The following PDHX variants were observed in gnomAD, a reference collection of about 807,000 sequenced individuals.
PDHX encodes pyruvate dehydrogenase complex component X.
A neutral mutation model predicts 55.3 loss-of-function variants in PDHX; 33 were observed. That is an observed-to-expected ratio of 0.60 (90% CI 0.45 to 0.80). The LOEUF is 0.80. Among genes scored for constraint, PDHX ranks in the 30% least tolerant of loss-of-function variants. The probability of loss-of-function intolerance (pLI) is 0.00; values close to 1 mark genes in which losing one functional copy is unlikely to be tolerated. For synonymous variants in PDHX, 226 were observed against 219.4 expected, an observed-to-expected ratio of 1.03 and a Z score of -0.27; for missense variants, 622 against 619.9, an observed-to-expected ratio of 1.00 and a Z score of -0.04.
At chr11:34,927,397 C>T (rs1854050846) in intron 1 of PDHX, among the ~76,000 whole-genome samples, 1 of 152,008 alleles carries the variant, frequency 6.6e-6, no homozygotes, top group African/African-American at 2.4e-5. Context: ...GAATGTACAG[C>T]TTACTGGAAT....
intron 6 of PDHX, among the ~76,000 whole-genome samples, chr11:34,967,349 A>G (rs1239122320): frequency 2.0e-5 from 3 of 152,214 alleles, no homozygotes; most frequent in Non-Finnish European, 2.9e-5. Context: ...TTAACTTCCA[A>G]ATAAACATTA....
At chr11:34,978,585 C>T (rs951919941) in intron 8 of PDHX, among the ~76,000 whole-genome samples, 2 of 152,002 alleles carry the variant, frequency 1.3e-5, no homozygotes, top group Non-Finnish European at 2.9e-5. Flanking sequence ...GAGGGAAGCC[C>T]CTCTGACAAG....
intron 1 of PDHX, among the ~76,000 whole-genome samples, chr11:34,929,764 G>A (rs985989533): frequency 1.3e-5 from 2 of 152,142 alleles, no homozygotes; most frequent in African/African-American, 2.4e-5. Flanking sequence ...TGATGAAATG[G>A]GCGTGTTTGA....
chr11:34,952,458 C>T (rs1420931970), intron 3 of PDHX, among the ~76,000 whole-genome samples: 7 of 152,032 alleles, frequency 4.6e-5, no homozygotes, highest in East Asian at 1.9e-4. Context: ...ACTGGCAAAC[C>T]GAATCCAGCA....
At chr11:34,942,387 C>G (rs895940978) in intron 2 of PDHX, among the ~76,000 whole-genome samples, 39 of 152,196 alleles carry the variant, frequency 2.6e-4, no homozygotes, top group African/African-American at 9.4e-4. Flanking sequence ...GTATGTGAAG[C>G]ATTAACACTT....
chr11:34,922,243 C>T (rs1853900240), intron 1 of PDHX, among the ~76,000 whole-genome samples: 1 of 152,194 alleles, frequency 6.6e-6, no homozygotes, highest in Non-Finnish European at 1.5e-5. Flanking sequence ...GAATCACTAA[C>T]TCTGAGTACA....
chr11:34,933,099 G>T (rs1054012786), intron 2 of PDHX, among the ~76,000 whole-genome samples: 1 of 152,304 alleles, frequency 6.6e-6, no homozygotes, highest in African/African-American at 2.4e-5. Flanking sequence ...GGAACCGTGT[G>T]GGGGAGAAAC....
At chr11:34,916,448 C>G (rs555380381), upstream of PDHX, 2 of 1,468,426 alleles carry the variant, frequency 1.4e-6, no homozygotes, top group Admixed American at 5.0e-5. Flanking sequence ...AAGGCCCCGC[C>G]GGCTGAGATA....
intron 7 of PDHX, among the ~76,000 whole-genome samples, chr11:34,973,214 C>CA (rs1340383851): frequency 1.3e-5 from 2 of 152,320 alleles, no homozygotes; most frequent in East Asian, 3.9e-4. Context: ...TCCTTATCCT[C>CA]AAGCCTTCTT....
At chr11:34,950,964 A>G (rs1221200817) in intron 3 of PDHX, among the ~76,000 whole-genome samples, 12 of 149,686 alleles carry the variant, frequency 8.0e-5, no homozygotes, top group Non-Finnish European at 1.8e-4. Context: ...GACTTCCACA[A>G]TGGTTGAACT....
chr11:34,982,107 T>A lies in PDHX; in HGVS notation c.1024-2463T>A, dbSNP rs964686135. Reference sequence around the variant, plus strand: ...TGTGTTCTGAATGGTATTGCCTAGGTTTTCTTCTAGGGTTTTTATGGTTTT... The same window carrying A: ...TGTGTTCTGAATGGTATTGCCTAGGATTTCTTCTAGGGTTTTTATGGTTTT... On this transcript the variant is annotated intron_variant, in intron 8 of 10. Transcript: ENST00000227868. Among the ~76,000 whole-genome samples, 55 of 152,264 alleles carry A rather than the reference T, an allele frequency of 3.6e-4. 1 individual carries two copies. The highest frequency in any genetic ancestry group is 1.3e-3 in the African/African-American group (54 of 41,530).
chr11:34,922,704 A>G (rs1853915080), intron 1 of PDHX, among the ~76,000 whole-genome samples: 1 of 152,186 alleles, frequency 6.6e-6, no homozygotes. Flanking sequence ...ATTCTTGACT[A>G]CGTGTAAGGG....
At chr11:34,931,538 TTTG>T in intron 2 of PDHX, 54 bp downstream of exon 2, 12 of 922,376 alleles carry the variant, frequency 1.3e-5, no homozygotes, top group African/African-American at 3.9e-5. Context: ...GTTATTTTGT[TTTG>T]TTTTTTTTTT....
upstream of PDHX, chr11:34,916,258 T>C: frequency 1.2e-6 from 2 of 1,612,530 alleles, no homozygotes; most frequent in South Asian, 2.2e-5. Flanking sequence ...AACAACAGTC[T>C]CCCTCCCGAG....
intron 2 of PDHX, among the ~76,000 whole-genome samples, chr11:34,934,580 T>A (rs1854261186): frequency 7.0e-6 from 1 of 143,074 alleles, no homozygotes; most frequent in Non-Finnish European, 1.5e-5. Context: ...GATTTTTTTT[T>A]TTTTTTTTTT....
intron 2 of PDHX, among the ~76,000 whole-genome samples, chr11:34,940,500 A>T (rs1363464036): frequency 6.6e-6 from 1 of 152,236 alleles, no homozygotes; most frequent in African/African-American, 2.4e-5. Flanking sequence ...GAAAATTTTG[A>T]AAAGTCCATT....
At chr11:34,970,415 C>T in intron 7 of PDHX, 129 bp downstream of exon 7, 1 of 777,828 alleles carries the variant, frequency 1.3e-6, no homozygotes, top group Non-Finnish European at 2.1e-6. Context: ...TGTACTTGCA[C>T]TCTACTCTGG....
intron 4 of PDHX, among the ~76,000 whole-genome samples, chr11:34,958,296 A>AG (rs972022674): frequency 5.7e-4 from 86 of 151,238 alleles, no homozygotes; most frequent in East Asian, 1.9e-3. Flanking sequence ...TGCTTTTTTT[A>AG]GGGGGGGGCG....
chr11:34,934,043 G>A (rs992919509), intron 2 of PDHX, among the ~76,000 whole-genome samples: 3 of 152,094 alleles, frequency 2.0e-5, no homozygotes, highest in Non-Finnish European at 2.9e-5. Context: ...TATATGAACC[G>A]TAGCTCTGAG....
Sources: gnomAD v4.1 joint callset for allele counts (sites outside exome capture counted in the v4.1 genomes callset) on GRCh38, gnomAD v4.1.1 for gene constraint, MANE v1.5 for transcripts, NCBI Gene and HGNC (gene_info 2026-07-23, HGNC 2026-07-21) for gene names.